Variants in MGAT5 observed in about 807,000 individuals in gnomAD.
MGAT5 encodes the protein alpha-1,6-mannosylglycoprotein 6-beta-N-acetylglucosaminyltransferase A.
Under a neutral mutation model 94.3 loss-of-function variants are expected in MGAT5, and 30 were observed. The observed-to-expected ratio is 0.32, with a 90% CI of 0.24 to 0.43. The LOEUF (loss-of-function observed/expected upper bound fraction) is 0.43. Ranked by LOEUF, MGAT5 falls within the 20% of genes least tolerant of loss-of-function variation. The probability of loss-of-function intolerance (pLI) is 1.00; values close to 1 mark genes in which losing one functional copy is unlikely to be tolerated. For missense variants in MGAT5, 691 were observed against 905.5 expected (o/e 0.76, Z 3.04); for synonymous variants, 310 against 322.9 (o/e 0.96, Z 0.43).
At chr2:134,313,037 AACACACAC>A (rs201311442) in intron 2 of MGAT5, among the ~76,000 whole-genome samples, 1,636 of 139,286 alleles carry the variant, frequency 0.012, 23 homozygotes, top group African/African-American at 0.034. Context: ...GCAAGAAATA[AACACACAC>A]ACACACACAC....
intron 1 of MGAT5, among the ~76,000 whole-genome samples, chr2:134,265,047 A>G (rs1293921939): frequency 6.6e-6 from 1 of 152,194 alleles, no homozygotes. Context: ...ATCCGGATTT[A>G]GTGTGTTGAA....
chr2:134,131,182 G>C (rs1343247674), intron 1 of MGAT5, among the ~76,000 whole-genome samples: 1 of 152,242 alleles, frequency 6.6e-6, no homozygotes, highest in African/African-American at 2.4e-5. Flanking sequence ...AGAAGGAAGA[G>C]ACTCCGAACA....
At chr2:134,382,145 G>A (rs759179382) in intron 10 of MGAT5, among the ~76,000 whole-genome samples, 2 of 152,022 alleles carry the variant, frequency 1.3e-5, no homozygotes, top group East Asian at 1.9e-4. Context: ...ATCCCAGCAC[G>A]TTGGGAGGCC....
chr2:134,178,983 A>G (rs541764274), intron 1 of MGAT5, among the ~76,000 whole-genome samples: 1 of 152,304 alleles, frequency 6.6e-6, no homozygotes, highest in Non-Finnish European at 1.5e-5. Flanking sequence ...GTCCTCATTA[A>G]TACTTATTTG....
intron 10 of MGAT5, among the ~76,000 whole-genome samples, chr2:134,394,270 C>T (rs1448936503): frequency 6.6e-6 from 1 of 152,152 alleles, no homozygotes; most frequent in African/African-American, 2.4e-5. Context: ...TTCATCCTGG[C>T]CTGCAGAAAT....
intron 12 of MGAT5, among the ~76,000 whole-genome samples, chr2:134,419,442 TTGTGTG>T (rs56181696): frequency 0.048 from 6,407 of 134,182 alleles, 174 homozygotes; most frequent in Middle Eastern, 0.09. Flanking sequence ...GCTTCAGGGT[TTGTGTG>T]TGTGTGTGTG....
chr2:134,193,675 TTGTGTGTGTGTGTGTG>T (rs58044792), intron 1 of MGAT5, among the ~76,000 whole-genome samples: 3,710 of 130,894 alleles, frequency 0.028, 147 homozygotes, highest in African/African-American at 0.095. Context: ...CCCCAAATCT[TTGTGTGTGTGTGTGTG>T]TGTGTGTGTG....
At chr2:134,283,153 A>G (rs1416786815) in intron 2 of MGAT5, among the ~76,000 whole-genome samples, 1 of 152,198 alleles carries the variant, frequency 6.6e-6, no homozygotes, top group Non-Finnish European at 1.5e-5. Flanking sequence ...GTACAGACTC[A>G]GGCTGCTGGG....
Position 134,390,942 on chromosome 2 carries a change from TC to T in MGAT5, c.1381-12045del, listed in dbSNP as rs551258030. Among the ~76,000 whole-genome samples, 179 of 152,276 alleles carry T rather than the reference TC, an allele frequency of 1.2e-3. 2 individuals are homozygous for T. The highest frequency in any genetic ancestry group is 9.6e-3 in the South Asian group (46 of 4,812). ...TTATGCCATCTCTCAGACTTTTGCC[TC>T]TCTTTGTCTTGTTTCAGACCCTAAA... On this transcript the variant is annotated intron_variant, in intron 10 of 15. Transcript: ENST00000281923.
chr2:134,436,173 C>T (rs1685154753), intron 14 of MGAT5, among the ~76,000 whole-genome samples: 1 of 152,204 alleles, frequency 6.6e-6, no homozygotes, highest in African/African-American at 2.4e-5. Flanking sequence ...ATGGCATCAT[C>T]CTCATTTTAT....
chr2:134,418,089 C>T (rs755313265), intron 12 of MGAT5, among the ~76,000 whole-genome samples: 49 of 150,580 alleles, frequency 3.3e-4, no homozygotes, highest in African/African-American at 1.1e-3. Context: ...ATTTTTTTCC[C>T]GGGAAAAAAA....
chr2:134,351,414 G>A (rs999899553), intron 9 of MGAT5, among the ~76,000 whole-genome samples: 2 of 152,144 alleles, frequency 1.3e-5, no homozygotes, highest in Non-Finnish European at 2.9e-5. Flanking sequence ...GACTAAAACC[G>A]CTGGGTGATA....
chr2:134,204,158 C>T (rs903820041), intron 1 of MGAT5, among the ~76,000 whole-genome samples: 12 of 152,182 alleles, frequency 7.9e-5, no homozygotes, highest in South Asian at 2.1e-4. Context: ...TTCATGCTAG[C>T]GCTCATTTCA....
rs1310357633 is a variant in MGAT5 at position 134,422,812 on chromosome 2, C to T, written c.1687C>T (p.Gln563Ter). The T allele has an allele frequency of 1.2e-6, 2 of 1,613,528 alleles. No individual in the cohort carries two copies. The highest frequency in any genetic ancestry group is 1.3e-5 in the African/African-American group (1 of 74,916). The change falls in exon 13 of 16, where the codon CAG becomes TAG. Residue 563 changes from glutamine (Q) to a stop codon, truncating the protein, a stop_gained. Transcript: ENST00000281923. LOFTEE classifies it high-confidence loss of function. Reference sequence around the variant, plus strand: ...TTCGGTTCTTTTCCAGCTGACATCCCAGCATCCTTACGCTGAAGTTTTCAT... The same window carrying T: ...TTCGGTTCTTTTCCAGCTGACATCCTAGCATCCTTACGCTGAAGTTTTCAT... ...GKPTLRELTS[Q>*]HPYAEVFIGR...
chr2:134,180,020 G>A (rs1573804800), intron 1 of MGAT5, among the ~76,000 whole-genome samples: 1 of 152,196 alleles, frequency 6.6e-6, no homozygotes, highest in Non-Finnish European at 1.5e-5. Context: ...CAGCAGCACC[G>A]TGACAATTTA....
chr2:134,350,091 T>TTTTGTTTTTG (rs1679278334), intron 9 of MGAT5, among the ~76,000 whole-genome samples, 153 bp downstream of exon 9: 1 of 151,596 alleles, frequency 6.6e-6, no homozygotes, highest in Non-Finnish European at 1.5e-5. Context: ...CTGAATTTGT[T>TTTTGTTTTTG]TTTTTGTTTT....
At position 134,386,755 on chromosome 2, in the gene MGAT5, T is replaced by C. The variant is rs1230851949; in HGVS notation, c.1381-16233T>C. 3.9e-5 allele frequency among the ~76,000 whole-genome samples: 6 copies of C among 152,302 alleles called. No homozygotes were observed. In the South Asian group the frequency reaches 1.2e-3, roughly 32 times the overall value. On this transcript the variant is annotated intron_variant, in intron 10 of 15. Transcript: ENST00000281923. The stretch of plus-strand genomic sequence containing the variant: ...AGGGAGATTAGGAAATTTCAACTAC[T>C]ATTGCTGCCCCAAGAAAAAGTGAGA...
rs149825457 is a variant in MGAT5 at position 134,417,970 on chromosome 2, A to C, written c.1678-4833A>C. On this transcript the variant is annotated intron_variant, in intron 12 of 15. Transcript: ENST00000281923. Reference sequence around the variant, plus strand: ...TATCTTTTCTTACTGCAGTTTCTATATACAAGCCTTTGGGAAATGAATCAA... The same window carrying C: ...TATCTTTTCTTACTGCAGTTTCTATCTACAAGCCTTTGGGAAATGAATCAA... Among the ~76,000 whole-genome samples, 271 of 152,242 alleles carry C rather than the reference A, an allele frequency of 1.8e-3. 1 individual carries two copies. The highest frequency in any genetic ancestry group is 6.4e-3 in the African/African-American group (264 of 41,552).
chr2:134,387,628 TC>T (rs1411336815), intron 10 of MGAT5, among the ~76,000 whole-genome samples: 8 of 152,078 alleles, frequency 5.3e-5, no homozygotes, highest in Non-Finnish European at 1.0e-4. Flanking sequence ...CGCTAGAAGT[TC>T]CTGCAGCTGG....
Sources: gnomAD v4.1 joint callset for allele counts (sites outside exome capture counted in the v4.1 genomes callset) on GRCh38, gnomAD v4.1.1 for gene constraint, MANE v1.5 for transcripts, NCBI Gene and HGNC (gene_info 2026-07-23, HGNC 2026-07-21) for gene names.